Variants in WDR7 observed in about 807,000 individuals in gnomAD.
WDR7 encodes WD repeat-containing protein 7.
A neutral mutation model predicts 169.4 loss-of-function variants in WDR7; 46 were observed. The ratio of observed to expected loss-of-function variants is 0.27; its 90% confidence interval spans 0.21 to 0.35. The LOEUF is 0.35. Ranked by LOEUF, WDR7 falls within the 10% of genes least tolerant of loss-of-function variation. The probability of loss-of-function intolerance (pLI) is 1.00; values close to 1 mark genes in which losing one functional copy is unlikely to be tolerated. For synonymous variants in WDR7, 612 were observed against 666.8 expected (o/e 0.92, Z 1.27); for missense variants, 1,534 against 1,859.3 (o/e 0.83, Z 3.22).
intron 22 of WDR7, among the ~76,000 whole-genome samples, chr18:56,931,543 G>GGCTGTACC (rs1282216479): frequency 1.3e-5 from 2 of 152,076 alleles, no homozygotes; most frequent in Non-Finnish European, 2.9e-5. Context: ...CATGTCCAGG[G>GGCTGTACC]GCTGTACCGG....
chr18:56,868,174 A>G (rs1432179044), intron 20 of WDR7, among the ~76,000 whole-genome samples: 1 of 152,160 alleles, frequency 6.6e-6, no homozygotes, highest in Non-Finnish European at 1.5e-5. Context: ...ATCATTTTTC[A>G]AAGCTAGAGA....
At chr18:56,679,987 T>C (rs7228044) in intron 3 of WDR7, among the ~76,000 whole-genome samples, 5,268 of 152,234 alleles carry the variant, frequency 0.035, 299 homozygotes, top group African/African-American at 0.12. Flanking sequence ...TTCAAAACAT[T>C]TTTTGGTGCT....
At chr18:56,739,792 T>C (rs1001067934) in intron 14 of WDR7, among the ~76,000 whole-genome samples, 2 of 152,066 alleles carry the variant, frequency 1.3e-5, no homozygotes, top group African/African-American at 4.8e-5. Flanking sequence ...CTTATTGTTA[T>C]TCCTTTGGAT....
intron 17 of WDR7, among the ~76,000 whole-genome samples, chr18:56,779,076 T>C (rs573208750): frequency 6.6e-6 from 1 of 152,326 alleles, no homozygotes; most frequent in South Asian, 2.1e-4. Context: ...TTCAAATCTA[T>C]AGCTCTAGTA....
intron 19 of WDR7, among the ~76,000 whole-genome samples, chr18:56,802,895 G>A (rs180880945): frequency 1.8e-3 from 267 of 151,482 alleles, no homozygotes; most frequent in African/African-American, 6.1e-3. Context: ...ACAAGGTCAT[G>A]CAGATTTTCT....
intron 22 of WDR7, among the ~76,000 whole-genome samples, chr18:56,934,755 G>A (rs959346914): frequency 6.6e-6 from 1 of 152,098 alleles, no homozygotes; most frequent in African/African-American, 2.4e-5. Context: ...AGAATTTTCA[G>A]TAAACACAAT....
intron 26 of WDR7, among the ~76,000 whole-genome samples, chr18:57,004,746 C>T (rs1224751651): frequency 6.6e-6 from 1 of 152,120 alleles, no homozygotes; most frequent in Non-Finnish European, 1.5e-5. Flanking sequence ...CAATATTTTA[C>T]AGATCAAAAC....
At chr18:56,715,241 A>G (rs2026166587) in intron 12 of WDR7, among the ~76,000 whole-genome samples, 1 of 152,162 alleles carries the variant, frequency 6.6e-6, no homozygotes, top group African/African-American at 2.4e-5. Context: ...GAGAGAGAGT[A>G]TGCGTAGCTC....
chr18:56,818,762 G>A lies in WDR7; in HGVS notation c.3304+2618G>A, dbSNP rs571428313. Among the ~76,000 whole-genome samples, 26 of 152,260 alleles carry A rather than the reference G, an allele frequency of 1.7e-4. No homozygotes were observed. In the East Asian group the frequency reaches 5.0e-3, roughly 29 times the overall value. ...ATGCATTGAGAGAAATCTGATTCAA[G>A]CACAATAATCTTGTTTTGGGGTAAC... On this transcript the variant is annotated intron_variant, in intron 20 of 27. Transcript: ENST00000254442.
chr18:56,723,408 A>G (rs1335702980), intron 13 of WDR7, among the ~76,000 whole-genome samples: 1 of 151,184 alleles, frequency 6.6e-6, no homozygotes, highest in Non-Finnish European at 1.5e-5. Context: ...TCTGCAGGTG[A>G]TGAATTCTTT....
Position 57,029,598 on chromosome 18 carries a change from A to G in WDR7, c.*2391A>G, listed in dbSNP as rs753937431. The G allele has an allele frequency of 3.3e-5, 5 of 151,872 alleles. No homozygotes were observed. The highest frequency in any genetic ancestry group is 4.8e-5 in the African/African-American group (2 of 41,322). The allele number at this position is 151,872 out of a possible 1,614,324, so 9.4% of individuals were successfully genotyped here. ...TATATGTAGAGACATATGTGGCTTC[A>G]TTGGTAATTTACAAGCAAAAGATGA... On this transcript the variant is annotated 3_prime_UTR_variant, in exon 28 of 28. Transcript: ENST00000254442.
chr18:56,806,138 C>G (rs1282132412), intron 19 of WDR7, among the ~76,000 whole-genome samples: 1 of 152,180 alleles, frequency 6.6e-6, no homozygotes, highest in African/African-American at 2.4e-5. Flanking sequence ...ACTATTTTCA[C>G]TTATTCATTG....
At chr18:57,035,977 G>A in the WDR7 span, 1 of 152,230 alleles carries the variant, frequency 6.6e-6, no homozygotes, top group African/African-American at 2.4e-5. Flanking sequence ...CAGGAGCTCA[G>A]ACCCCTTGTG....
intron 14 of WDR7, among the ~76,000 whole-genome samples, chr18:56,735,040 T>G (rs1439214283): frequency 6.6e-6 from 1 of 152,184 alleles, no homozygotes; most frequent in Non-Finnish European, 1.5e-5. Context: ...CTGAATACTT[T>G]TAAAAGGATA....
chr18:56,699,432 A>G (rs970842923), intron 12 of WDR7, among the ~76,000 whole-genome samples: 1 of 152,232 alleles, frequency 6.6e-6, no homozygotes, highest in Non-Finnish European at 1.5e-5. Context: ...GGGCAATAGT[A>G]GTTGAGATAG....
intron 21 of WDR7, among the ~76,000 whole-genome samples, chr18:56,888,005 T>A (rs1240330339): frequency 7.1e-6 from 1 of 140,758 alleles, no homozygotes; most frequent in East Asian, 2.5e-4. Context: ...AGAGAATAAT[T>A]ATTATCCTCA....
intron 20 of WDR7, among the ~76,000 whole-genome samples, chr18:56,820,741 C>T (rs77773039): frequency 0.019 from 2,919 of 152,186 alleles, 93 homozygotes; most frequent in African/African-American, 0.064. Flanking sequence ...TCCTGTCTTA[C>T]AGTAAATTGA....
chr18:56,720,460 A>G (rs2026297213), intron 13 of WDR7, among the ~76,000 whole-genome samples: 1 of 151,070 alleles, frequency 6.6e-6, no homozygotes, highest in Non-Finnish European at 1.5e-5. Flanking sequence ...AAAATAAACA[A>G]ACAAAAAAAA....
At chr18:56,784,455 A>G (rs2044364163) in intron 19 of WDR7, among the ~76,000 whole-genome samples, 1 of 152,100 alleles carries the variant, frequency 6.6e-6, no homozygotes, top group Non-Finnish European at 1.5e-5. Flanking sequence ...CTGAGTCTCC[A>G]TAATCCATTA....
Sources: allele counts gnomAD v4.1 joint callset (sites outside exome capture counted in the v4.1 genomes callset), GRCh38; gene constraint gnomAD v4.1.1; transcripts MANE v1.5; gene names NCBI Gene and HGNC (gene_info 2026-07-23, HGNC 2026-07-21).